The following FCHO2 variants were observed in gnomAD, a reference collection of about 807,000 sequenced individuals.
The protein encoded by FCHO2 is FCH and mu domain containing endocytic adaptor 2.
A neutral mutation model predicts 114.1 loss-of-function variants in FCHO2; 43 were observed. That is an observed-to-expected ratio of 0.38 (90% CI 0.30 to 0.49). The LOEUF is 0.49. FCHO2 is among the 20% of genes least tolerant of loss of function. The pLI, the probability that FCHO2 is intolerant of heterozygous loss-of-function variation, is 0.97. For missense variants in FCHO2, 807 were observed against 950.4 expected, an observed-to-expected ratio of 0.85 and a Z score of 1.98; for synonymous variants, 293 against 315.2, an observed-to-expected ratio of 0.93 and a Z score of 0.75.
At chr5:73,054,570 GTTTA>G (rs1477050907) in intron 15 of FCHO2, 21 bp downstream of exon 15, 1 of 1,517,838 alleles carries the variant, frequency 6.6e-7, no homozygotes, top group Non-Finnish European at 8.9e-7. Flanking sequence ...CATTTGAATT[GTTTA>G]TTTTATGTCT....
intron 8 of FCHO2, among the ~76,000 whole-genome samples, chr5:73,027,400 C>G (rs1755997789): frequency 6.7e-6 from 1 of 148,954 alleles, no homozygotes; most frequent in Non-Finnish European, 1.5e-5. Flanking sequence ...TTTTGAAGAG[C>G]AAAAGTTAAT....
intron 1 of FCHO2, among the ~76,000 whole-genome samples, chr5:72,964,003 G>A (rs1752041258): frequency 1.5e-5 from 2 of 137,926 alleles, no homozygotes; most frequent in Non-Finnish European, 3.0e-5. Context: ...GTAGCCTTCT[G>A]TCTCTTTGTA....
At chr5:72,984,575 A>C (rs1386003551) in intron 2 of FCHO2, among the ~76,000 whole-genome samples, 7 of 152,180 alleles carry the variant, frequency 4.6e-5, no homozygotes, top group Non-Finnish European at 8.8e-5. Context: ...AGGACCATTC[A>C]CATTTTTTAG....
At position 73,081,807 on chromosome 5, in the gene FCHO2, A is replaced by G. The variant is rs539620194; in HGVS notation, c.2005A>G (p.Thr669Ala). Residue 669 changes from threonine (T) to alanine (A), a missense_variant, in exon 23 of 26, where the codon ACT (threonine) becomes GCT (alanine). By Grantham distance (58) the Thr-to-Ala change is moderately conservative. Coordinates refer to ENST00000430046, the MANE Select transcript of FCHO2 (RefSeq NM_138782.3). ...YQVSSNGIQS[T>A]PLNLATYWKC... ...GGTATCATCAAATGGTATTCAGTCC[A>G]CTCCTCTGAATCTTGCAACATACTG... 5.1e-6 allele frequency: 8 copies of G among 1,574,356 alleles called. No homozygotes were observed. In the East Asian group the frequency reaches 1.9e-4, roughly 36 times the overall value.
At chr5:73,016,263 A>T (rs1755303409) in intron 7 of FCHO2, among the ~76,000 whole-genome samples, 1 of 152,028 alleles carries the variant, frequency 6.6e-6, no homozygotes, top group African/African-American at 2.4e-5. Context: ...AGCCTGGGCA[A>T]CATAGGGAGA....
chr5:72,995,379 C>T (rs1754035773), intron 5 of FCHO2, among the ~76,000 whole-genome samples: 1 of 151,868 alleles, frequency 6.6e-6, no homozygotes, highest in African/African-American at 2.4e-5. Context: ...ACTCAGCCTC[C>T]CGAGTAGTTG....
chr5:73,021,885 C>A (rs1755647106), intron 8 of FCHO2, among the ~76,000 whole-genome samples: 1 of 152,108 alleles, frequency 6.6e-6, no homozygotes, highest in African/African-American at 2.4e-5. Context: ...GTTTAGTGAG[C>A]TCTTACTGTG....
At chr5:73,001,940 A>G (rs1377463525) in intron 5 of FCHO2, among the ~76,000 whole-genome samples, 2 of 152,000 alleles carry the variant, frequency 1.3e-5, no homozygotes, top group African/African-American at 4.8e-5. Flanking sequence ...GAAAAAATAT[A>G]AGTCAGAACT....
At chr5:73,025,634 C>T (rs571147825) in intron 8 of FCHO2, among the ~76,000 whole-genome samples, 1 of 152,094 alleles carries the variant, frequency 6.6e-6, no homozygotes, top group Non-Finnish European at 1.5e-5. Context: ...CCACCTTGGC[C>T]TCCCAAAGTG....
chr5:73,043,169 C>CCGAAAAAG (rs1252210650), intron 11 of FCHO2, among the ~76,000 whole-genome samples: 1 of 152,000 alleles, frequency 6.6e-6, no homozygotes, highest in Non-Finnish European at 1.5e-5. Context: ...TGGCTTCAAG[C>CCGAAAAAG]CATTTTCCTG....
At chr5:73,019,497 C>T (rs757978645) in intron 8 of FCHO2, among the ~76,000 whole-genome samples, 20 of 151,964 alleles carry the variant, frequency 1.3e-4, no homozygotes, top group African/African-American at 4.8e-4. Flanking sequence ...GCCAAGATTG[C>T]GCCATTGCAC....
intron 5 of FCHO2, among the ~76,000 whole-genome samples, chr5:73,001,470 AAG>A (rs1444722203): frequency 1.1e-4 from 16 of 149,174 alleles, no homozygotes; most frequent in African/African-American, 3.5e-4. Flanking sequence ...AAAAAAAAAA[AAG>A]AAATGAAAAG....
chr5:73,085,337 C>T (rs979329746), intron 24 of FCHO2, among the ~76,000 whole-genome samples: 9 of 151,812 alleles, frequency 5.9e-5, no homozygotes, highest in East Asian at 3.9e-4. Context: ...GCAGAGACTC[C>T]GTCTCAAAAA....
At position 73,088,350 on chromosome 5, in the gene FCHO2, G is replaced by T; in HGVS notation, c.*260G>T. 2 of 460,618 alleles carry T rather than the reference G, an allele frequency of 4.3e-6. No individual in the cohort carries two copies. Among genetic ancestry groups the T allele is most frequent in the East Asian group, 3.5e-5 (1 of 28,596 alleles). 28.5% of individuals were successfully genotyped at this position (460,618 alleles called of 1,614,324 possible). A position where few individuals can be genotyped will look rare whatever the true frequency, so the allele number is the denominator to read the frequency against. ...GATTCTCAGTAAAAATGAAGTTTTT[G>T]TAGGATTAATTTTTAAATTATTTCC... On this transcript the variant is annotated 3_prime_UTR_variant, in exon 26 of 26. Coordinates refer to ENST00000430046, the MANE Select transcript of FCHO2 (RefSeq NM_138782.3).
intron 2 of FCHO2, among the ~76,000 whole-genome samples, chr5:72,976,179 T>G (rs895498466): frequency 6.6e-6 from 1 of 152,164 alleles, no homozygotes; most frequent in African/African-American, 2.4e-5. Context: ...AATAAGTATA[T>G]AGTGGTATCT....
intron 5 of FCHO2, among the ~76,000 whole-genome samples, chr5:73,000,329 A>C (rs1754366026): frequency 6.6e-6 from 1 of 151,948 alleles, no homozygotes; most frequent in African/African-American, 2.4e-5. Flanking sequence ...AAATTAGCCG[A>C]GTATGGTGGT....
chr5:72,996,739 T>G (rs1452183321), intron 5 of FCHO2, among the ~76,000 whole-genome samples: 2 of 152,190 alleles, frequency 1.3e-5, no homozygotes, highest in African/African-American at 4.8e-5. Context: ...TCCGCTGGGC[T>G]TTCCAAAACC....
At chr5:72,965,230 T>C (rs565458385) in intron 1 of FCHO2, among the ~76,000 whole-genome samples, 8 of 152,258 alleles carry the variant, frequency 5.3e-5, no homozygotes, top group African/African-American at 1.7e-4. Context: ...CTTAGAGATA[T>C]TGTGTATTGA....
chr5:73,011,838 AGGT>A (rs1476539624), intron 6 of FCHO2, among the ~76,000 whole-genome samples: 1 of 151,796 alleles, frequency 6.6e-6, no homozygotes, highest in African/African-American at 2.4e-5. Context: ...TGAAGCTGAG[AGGT>A]GGTGGTTGCA....
Sources: gnomAD v4.1 joint callset for allele counts (sites outside exome capture counted in the v4.1 genomes callset) on GRCh38, gnomAD v4.1.1 for gene constraint, MANE v1.5 for transcripts, NCBI Gene and HGNC (gene_info 2026-07-23, HGNC 2026-07-21) for gene names.